GRIK3: variants seen among roughly 807,000 people sequenced by gnomAD.
The protein encoded by GRIK3 is glutamate ionotropic receptor kainate type subunit 3, also known as glutamate receptor ionotropic, kainate 3.
Under a neutral mutation model 102.5 loss-of-function variants are expected in GRIK3, and 29 were observed. The ratio of observed to expected loss-of-function variants is 0.28; its 90% CI spans 0.21 to 0.39. The LOEUF (loss-of-function observed/expected upper bound fraction) is 0.39. Among genes scored for constraint, GRIK3 ranks in the 10% least tolerant of loss-of-function variants. GRIK3 has a pLI of 1.00. For synonymous variants in GRIK3, 511 were observed against 504.9 expected, an observed-to-expected ratio of 1.01 and a Z score of -0.16; for missense variants, 908 against 1,252.4, an observed-to-expected ratio of 0.73 and a Z score of 4.15.
chr1:36,954,441 G>A (rs1026294237), intron 1 of GRIK3, among the ~76,000 whole-genome samples: 2 of 152,232 alleles, frequency 1.3e-5, no homozygotes, highest in African/African-American at 2.4e-5. Flanking sequence ...TGCGGGAGAA[G>A]TGAGAGTGGC....
At chr1:36,883,073 G>A (rs1641000533) in intron 2 of GRIK3, among the ~76,000 whole-genome samples, 1 of 152,162 alleles carries the variant, frequency 6.6e-6, no homozygotes, top group Non-Finnish European at 1.5e-5. Flanking sequence ...AGTGTATTGA[G>A]GCCTGGCTGT....
chr1:36,907,163 G>A (rs1041013384), intron 1 of GRIK3, among the ~76,000 whole-genome samples: 2 of 152,112 alleles, frequency 1.3e-5, no homozygotes, highest in African/African-American at 4.8e-5. Flanking sequence ...GTGAGTGAGT[G>A]TTTCCTTAGG....
chr1:36,897,081 C>G (rs576480802), intron 1 of GRIK3, among the ~76,000 whole-genome samples: 184 of 152,276 alleles, frequency 1.2e-3, no homozygotes, highest in South Asian at 3.7e-3. Context: ...CCTCTAAGAT[C>G]AGTGACAAGG....
chr1:36,820,996 A>T (rs181750880), intron 11 of GRIK3, among the ~76,000 whole-genome samples: 1 of 152,178 alleles, frequency 6.6e-6, no homozygotes, highest in Admixed American at 6.5e-5. Flanking sequence ...TTTTCTCTAG[A>T]TTTGTGGGGG....
intron 1 of GRIK3, among the ~76,000 whole-genome samples, chr1:36,921,773 A>G (rs1443979510): frequency 6.6e-6 from 1 of 152,072 alleles, no homozygotes; most frequent in Admixed American, 6.5e-5. Flanking sequence ...CTTAGATTTT[A>G]TGAAATCAAA....
At chr1:36,949,385 G>A (rs752873021) in intron 1 of GRIK3, among the ~76,000 whole-genome samples, 3 of 151,962 alleles carry the variant, frequency 2.0e-5, no homozygotes, top group Non-Finnish European at 4.4e-5. Context: ...ATGTGGACAG[G>A]GCTCTCCCCA....
At chr1:36,857,160 C>T (rs1640662465) in intron 7 of GRIK3, among the ~76,000 whole-genome samples, 1 of 152,164 alleles carries the variant, frequency 6.6e-6, no homozygotes, top group African/African-American at 2.4e-5. Flanking sequence ...TTCCAAGTCA[C>T]TTTTGTCTGG....
intron 3 of GRIK3, among the ~76,000 whole-genome samples, chr1:36,877,978 T>A (rs186787062): frequency 6.6e-6 from 1 of 152,264 alleles, no homozygotes; most frequent in African/African-American, 2.4e-5. Flanking sequence ...GAAGACAGGA[T>A]AACAACATCT....
intron 1 of GRIK3, among the ~76,000 whole-genome samples, chr1:36,955,202 C>G (rs943028503): frequency 8.5e-5 from 13 of 152,286 alleles, no homozygotes; most frequent in Non-Finnish European, 1.3e-4. Flanking sequence ...AAATAGCAGC[C>G]CTAAATAAGT....
intron 1 of GRIK3, among the ~76,000 whole-genome samples, chr1:37,024,193 A>G (rs914876679): frequency 6.6e-6 from 1 of 152,194 alleles, no homozygotes; most frequent in African/African-American, 2.4e-5. Flanking sequence ...AATAAGTAGC[A>G]CTGTGGTCAT....
intron 3 of GRIK3, among the ~76,000 whole-genome samples, chr1:36,878,722 T>G (rs1233894180): frequency 6.6e-6 from 1 of 152,220 alleles, no homozygotes; most frequent in Non-Finnish European, 1.5e-5. Flanking sequence ...AACAGGCCTG[T>G]AGGTGCATGC....
chr1:36,893,683 T>C (rs901438943), intron 1 of GRIK3, among the ~76,000 whole-genome samples: 1 of 152,218 alleles, frequency 6.6e-6, no homozygotes, highest in Non-Finnish European at 1.5e-5. Flanking sequence ...ACTCGGGAAT[T>C]TGATATCTAG....
At chr1:36,871,036 C>T (rs1201472354) in intron 4 of GRIK3, among the ~76,000 whole-genome samples, 2 of 152,092 alleles carry the variant, frequency 1.3e-5, no homozygotes, top group African/African-American at 4.8e-5. Context: ...AGATGCCCAA[C>T]GCTGGGTGTC....
At chr1:36,923,986 A>C (rs1053886902) in intron 1 of GRIK3, among the ~76,000 whole-genome samples, 2 of 152,142 alleles carry the variant, frequency 1.3e-5, no homozygotes, top group African/African-American at 4.8e-5. Flanking sequence ...TACATCCCAG[A>C]GCTCTACACA....
intron 1 of GRIK3, among the ~76,000 whole-genome samples, chr1:36,913,291 C>G (rs1308283950): frequency 1.3e-5 from 2 of 152,200 alleles, no homozygotes; most frequent in Admixed American, 6.5e-5. Flanking sequence ...TGCCCACCCA[C>G]AGACCTGCCC....
chr1:36,984,546 A>C (rs1642284375), intron 1 of GRIK3, among the ~76,000 whole-genome samples: 2 of 152,212 alleles, frequency 1.3e-5, no homozygotes. Flanking sequence ...TCTGGGCACC[A>C]TGAAGACAGA....
intron 1 of GRIK3, among the ~76,000 whole-genome samples, chr1:36,970,924 G>A (rs1642133545): frequency 6.6e-6 from 1 of 152,172 alleles, no homozygotes; most frequent in Admixed American, 6.5e-5. Context: ...TGGACCATTG[G>A]GCCAGTCCAG....
At chr1:36,951,865 G>A (rs939254974) in intron 1 of GRIK3, among the ~76,000 whole-genome samples, 9 of 152,126 alleles carry the variant, frequency 5.9e-5, no homozygotes, top group African/African-American at 1.9e-4. Flanking sequence ...GCGGAGGGGC[G>A]GGAGGACCAC....
At chr1:36,863,831 T>C (rs1640754210) in intron 5 of GRIK3, among the ~76,000 whole-genome samples, 1 of 152,174 alleles carries the variant, frequency 6.6e-6, no homozygotes, top group South Asian at 2.1e-4. Flanking sequence ...TGAATATTCC[T>C]GTTACCCAAA....
Sources: gnomAD v4.1 joint callset for allele counts (sites outside exome capture counted in the v4.1 genomes callset) on GRCh38, gnomAD v4.1.1 for gene constraint, MANE v1.5 for transcripts, NCBI Gene and HGNC (gene_info 2026-07-23, HGNC 2026-07-21) for gene names.